Variants in F13A1 observed in about 807,000 individuals in gnomAD.
F13A1 encodes FSF, A subunit.
F13A1 carries 47 observed loss-of-function variants against 80.1 expected under a neutral mutation model. That is an observed-to-expected ratio of 0.59 (90% confidence interval 0.46 to 0.75). The LOEUF (loss-of-function observed/expected upper bound fraction) is 0.75, where lower values mean the gene tolerates loss of function less well. F13A1 is among the 30% of genes least tolerant of loss of function. F13A1 has a pLI of 0.00. For missense variants in F13A1, 817 were observed against 930.4 expected (o/e 0.88, Z 1.59); for synonymous variants, 349 against 344.9 (o/e 1.01, Z -0.13).
chr6:6,248,102 C>T (rs1446274284), intron 6 of F13A1, among the ~76,000 whole-genome samples: 1 of 152,176 alleles, frequency 6.6e-6, no homozygotes, highest in Non-Finnish European at 1.5e-5. Context: ...GCCAAAGAAA[C>T]ATACAGTATT....
At chr6:6,299,288 G>T (rs1171844503) in intron 3 of F13A1, among the ~76,000 whole-genome samples, 2 of 107,244 alleles carry the variant, frequency 1.9e-5, no homozygotes, top group Admixed American at 9.9e-5. Flanking sequence ...GAATCTGAAC[G>T]TTGGCCTGCC....
chr6:6,270,384 TC>T (rs1757905126), intron 3 of F13A1, among the ~76,000 whole-genome samples: 1 of 152,302 alleles, frequency 6.6e-6, no homozygotes, highest in Middle Eastern at 3.4e-3. Context: ...TCGCCTAAAT[TC>T]CCCACAGTCT....
intron 6 of F13A1, among the ~76,000 whole-genome samples, chr6:6,241,621 C>A (rs3851510): frequency 6.6e-6 from 1 of 152,064 alleles, no homozygotes; most frequent in Non-Finnish European, 1.5e-5. Flanking sequence ...GATGTATCTA[C>A]GACCGTTCAC....
At chr6:6,284,119 C>G (rs144191032) in intron 3 of F13A1, among the ~76,000 whole-genome samples, 1 of 152,188 alleles carries the variant, frequency 6.6e-6, no homozygotes, top group African/African-American at 2.4e-5. Flanking sequence ...CTTATGCATG[C>G]GCCTTCAGTA....
intron 3 of F13A1, chr6:6,304,981 C>A: frequency 2.8e-6 from 1 of 352,728 alleles, no homozygotes; most frequent in Non-Finnish European, 5.5e-6. Context: ...TTTCGGAATG[C>A]ATACTTGGAT....
intron 1 of F13A1, among the ~76,000 whole-genome samples, chr6:6,320,244 T>A (rs193267484): frequency 2.3e-3 from 355 of 152,200 alleles, no homozygotes; most frequent in Non-Finnish European, 3.4e-3. Context: ...TTGGCCCCAC[T>A]CCCTCCACCT....
At chr6:6,157,082 T>C (rs960245425) in intron 13 of F13A1, among the ~76,000 whole-genome samples, 2 of 152,220 alleles carry the variant, frequency 1.3e-5, no homozygotes, top group African/African-American at 4.8e-5. Context: ...TCTGGGGCCA[T>C]AGCCGTTGCT....
At chr6:6,186,542 G>A (rs1046066358) in intron 10 of F13A1, among the ~76,000 whole-genome samples, 2 of 152,112 alleles carry the variant, frequency 1.3e-5, no homozygotes, top group African/African-American at 4.8e-5. Context: ...TAGATATGCG[G>A]CATTATTTCT....
At chr6:6,264,565 T>C (rs529270674) in intron 4 of F13A1, among the ~76,000 whole-genome samples, 1 of 152,370 alleles carries the variant, frequency 6.6e-6, no homozygotes, top group South Asian at 2.1e-4. Context: ...TCTTTATCTA[T>C]ATTTTCTCCC....
chr6:6,168,757 A>G (rs1279952712), intron 12 of F13A1, among the ~76,000 whole-genome samples: 2 of 152,222 alleles, frequency 1.3e-5, no homozygotes, highest in East Asian at 1.9e-4. Flanking sequence ...ACTGAACAGC[A>G]GTTTTGCAGC....
chr6:6,310,911 G>T (rs1166801095), intron 2 of F13A1, among the ~76,000 whole-genome samples: 11 of 152,132 alleles, frequency 7.2e-5, no homozygotes, highest in Admixed American at 7.2e-4. Context: ...TTTTAGCAGT[G>T]GCCTTCCAGC....
intron 8 of F13A1, among the ~76,000 whole-genome samples, chr6:6,208,110 A>C (rs986922604): frequency 3.9e-5 from 6 of 152,226 alleles, no homozygotes; most frequent in African/African-American, 1.4e-4. Flanking sequence ...ATCTTAAATT[A>C]GCCATTATAA....
At chr6:6,196,070 T>C (rs1761286244) in intron 9 of F13A1, among the ~76,000 whole-genome samples, 185 bp from the exon 10 acceptor site, 1 of 152,168 alleles carries the variant, frequency 6.6e-6, no homozygotes, top group African/African-American at 2.4e-5. Context: ...AAGCCAAAAA[T>C]TGAAGCCATG....
chr6:6,166,755 G>A (rs979475343), intron 13 of F13A1, among the ~76,000 whole-genome samples: 2 of 152,218 alleles, frequency 1.3e-5, no homozygotes, highest in Non-Finnish European at 2.9e-5. Flanking sequence ...CCTCTGCCAA[G>A]TCTCTTGAGC....
At chr6:6,269,702 T>A (rs1757895021) in intron 3 of F13A1, among the ~76,000 whole-genome samples, 1 of 152,016 alleles carries the variant, frequency 6.6e-6, no homozygotes, top group South Asian at 2.1e-4. Flanking sequence ...TACTGTTTTT[T>A]TTTTTGTTTG....
At chr6:6,220,855 C>G (rs917473485) in intron 8 of F13A1, among the ~76,000 whole-genome samples, 1 of 152,162 alleles carries the variant, frequency 6.6e-6, no homozygotes, top group Non-Finnish European at 1.5e-5. Flanking sequence ...ATTTTTAATT[C>G]ATGGTAGCAC....
At chr6:6,277,428 G>A (rs925844767) in intron 3 of F13A1, among the ~76,000 whole-genome samples, 64 of 151,420 alleles carry the variant, frequency 4.2e-4, no homozygotes, top group Admixed American at 4.6e-4. Context: ...GGCCACACCA[G>A]GCAAGGATTA....
chr6:6,202,656 T>G (rs1418889208), intron 8 of F13A1, among the ~76,000 whole-genome samples: 1 of 152,344 alleles, frequency 6.6e-6, no homozygotes, highest in East Asian at 1.9e-4. Context: ...ATAGAAGCAG[T>G]ATAGAAATCA....
chr6:6,217,319 A>C (rs1268343235), intron 8 of F13A1, among the ~76,000 whole-genome samples: 1 of 151,854 alleles, frequency 6.6e-6, no homozygotes, highest in East Asian at 1.9e-4. Context: ...AATATGTGGC[A>C]CATATACACC....
Sources: gnomAD v4.1 joint callset for allele counts (sites outside exome capture counted in the v4.1 genomes callset) on GRCh38, gnomAD v4.1.1 for gene constraint, MANE v1.5 for transcripts, NCBI Gene and HGNC (gene_info 2026-07-23, HGNC 2026-07-21) for gene names.